The following ST6GALNAC3 variants were observed in gnomAD, a reference collection of about 807,000 sequenced individuals.
ST6GALNAC3 encodes ST6 N-acetylgalactosaminide alpha-2,6-sialyltransferase 3.
A neutral mutation model predicts 32.7 loss-of-function variants in ST6GALNAC3; 25 were observed. The observed-to-expected ratio is 0.76, with a 90% CI of 0.56 to 1.07. The LOEUF is 1.07. ST6GALNAC3 is among the 50% of genes least tolerant of loss of function. The pLI, the probability that ST6GALNAC3 is intolerant of heterozygous loss-of-function variation, is 0.00. For missense variants in ST6GALNAC3, 355 were observed against 382.4 expected (o/e 0.93, Z 0.60); for synonymous variants, 129 against 133.1 (o/e 0.97, Z 0.21).
intron 1 of ST6GALNAC3, among the ~76,000 whole-genome samples, chr1:76,226,822 C>T (rs1656102197): frequency 6.6e-6 from 1 of 152,136 alleles, no homozygotes; most frequent in African/African-American, 2.4e-5. Flanking sequence ...CTACACACAC[C>T]CATTTCCAAT....
At chr1:76,191,284 T>C (rs957903319) in intron 1 of ST6GALNAC3, among the ~76,000 whole-genome samples, 5 of 151,964 alleles carry the variant, frequency 3.3e-5, no homozygotes, top group Non-Finnish European at 4.4e-5. Context: ...GATCTCACTC[T>C]TACGTGGATT....
At chr1:76,519,754 A>G (rs1253303590) in intron 3 of ST6GALNAC3, among the ~76,000 whole-genome samples, 1 of 151,646 alleles carries the variant, frequency 6.6e-6, no homozygotes, top group Non-Finnish European at 1.5e-5. Flanking sequence ...TTCTAGTTTC[A>G]ACTATTCTGC....
chr1:76,608,004 T>C (rs1283564201), intron 3 of ST6GALNAC3, among the ~76,000 whole-genome samples: 2 of 152,214 alleles, frequency 1.3e-5, no homozygotes, highest in African/African-American at 4.8e-5. Context: ...AGCCAATCAG[T>C]CCACACAAAC....
intron 1 of ST6GALNAC3, among the ~76,000 whole-genome samples, chr1:76,101,918 C>T (rs1222961865): frequency 3.3e-5 from 5 of 152,044 alleles, no homozygotes; most frequent in East Asian, 1.9e-4. Context: ...TATTTTTATA[C>T]GTGTTTGCTA....
Position 76,303,112 on chromosome 1 carries a change from T to C in ST6GALNAC3, c.19-10693T>C, listed in dbSNP as rs796252638. ...CAAAGGTCACAGTCCTATGCAAGTT[T>C]TCTGCAACCAATCAGAGGCTAAAGT... On this transcript the variant is annotated intron_variant, in intron 1 of 4. Transcript: ENST00000328299. Among the ~76,000 whole-genome samples the C allele has an allele frequency of 2.3e-4, 23 of 102,194 alleles. 1 individual carries two copies. Among genetic ancestry groups the C allele is most frequent in the African/African-American group, 6.2e-4 (23 of 37,140 alleles). 67.0% of individuals were successfully genotyped at this position (102,194 alleles called of 152,430 possible). A position where few individuals can be genotyped will look rare whatever the true frequency, so the allele number is the denominator to read the frequency against.
At chr1:76,189,757 C>T (rs765765651) in intron 1 of ST6GALNAC3, among the ~76,000 whole-genome samples, 3 of 152,104 alleles carry the variant, frequency 2.0e-5, no homozygotes, top group Non-Finnish European at 4.4e-5. Flanking sequence ...AAAGTATAAG[C>T]GGTGCAAGTG....
At chr1:76,204,506 G>A (rs1654710939) in intron 1 of ST6GALNAC3, among the ~76,000 whole-genome samples, 1 of 152,138 alleles carries the variant, frequency 6.6e-6, no homozygotes, top group South Asian at 2.1e-4. Context: ...GGTGCTCTGG[G>A]AGTACTCTGA....
rs924489314 is a variant in ST6GALNAC3 at position 76,154,371 on chromosome 1, C to T, written c.18+79487C>T. Among the ~76,000 whole-genome samples the T allele has an allele frequency of 4.6e-5, 7 of 152,244 alleles. No individual in the cohort carries two copies. The South Asian group carries it at 1.5e-3, about 32-fold the overall frequency. On this transcript the variant is annotated intron_variant, in intron 1 of 4. Transcript: ENST00000328299. ...CACTCAGGTTGTTTCTTAGTGAAGTCCCCGAAGAGCACTGCATTTAAGCTG... is the reference window on the plus strand; with the variant it reads ...CACTCAGGTTGTTTCTTAGTGAAGTTCCCGAAGAGCACTGCATTTAAGCTG...
In ST6GALNAC3 at chr1:76,484,597, T is replaced by G. The variant is rs1159251648; in HGVS notation, c.623+72180T>G. Among the ~76,000 whole-genome samples, 5 of 152,242 alleles carry G rather than the reference T, an allele frequency of 3.3e-5. No homozygotes were observed. The East Asian group carries it at 5.8e-4, about 18-fold the overall frequency. ...TGTATCCTGAGACTTTGCTGATGTT[T>G]CTTATCAGCTTAAGGAGATTTTGGG... On this transcript the variant is annotated intron_variant, in intron 3 of 4. Transcript: ENST00000328299.
intron 1 of ST6GALNAC3, among the ~76,000 whole-genome samples, chr1:76,187,769 A>C (rs1157194927): frequency 6.6e-6 from 1 of 152,020 alleles, no homozygotes; most frequent in African/African-American, 2.4e-5. Flanking sequence ...AAACACACAC[A>C]ACCTCAGAAA....
chr1:76,580,772 A>C (rs1646881378), intron 3 of ST6GALNAC3, among the ~76,000 whole-genome samples: 4 of 152,156 alleles, frequency 2.6e-5, no homozygotes, highest in Admixed American at 2.6e-4. Flanking sequence ...GCCATGAAAC[A>C]GAACAATCTT....
chr1:76,162,900 C>T (rs1651899312), intron 1 of ST6GALNAC3, among the ~76,000 whole-genome samples: 1 of 151,994 alleles, frequency 6.6e-6, no homozygotes, highest in African/African-American at 2.4e-5. Flanking sequence ...GTGACCAGGC[C>T]CAGAGCTGGG....
At chr1:76,527,743 C>T (rs1173980614) in intron 3 of ST6GALNAC3, among the ~76,000 whole-genome samples, 3 of 152,068 alleles carry the variant, frequency 2.0e-5, no homozygotes, top group Non-Finnish European at 4.4e-5. Flanking sequence ...CCATTAATAA[C>T]CTTGAGAGCC....
chr1:76,142,911 T>C (rs765404525), intron 1 of ST6GALNAC3: 25 of 453,408 alleles, frequency 5.5e-5, no homozygotes, highest in Non-Finnish European at 9.3e-5. Context: ...GGATTAGATC[T>C]GGGCACACCG....
chr1:76,470,700 G>T (rs1414698909), intron 3 of ST6GALNAC3, among the ~76,000 whole-genome samples: 1 of 152,030 alleles, frequency 6.6e-6, no homozygotes, highest in African/African-American at 2.4e-5. Context: ...CTCAAGGCTT[G>T]ATCTCTTTAG....
At position 76,632,266 on chromosome 1, in the gene ST6GALNAC3, T is replaced by A. The variant is rs573364858; in HGVS notation, c.*3460T>A. 1 of 152,180 alleles carries A rather than the reference T, an allele frequency of 6.6e-6. No homozygotes were observed. Among genetic ancestry groups the A allele is most frequent in the Admixed American group, 6.5e-5 (1 of 15,278 alleles). The allele number at this position is 152,180 out of a possible 1,614,324, so 9.4% of individuals were successfully genotyped here. Reference sequence around the variant, plus strand: ...TTGCTAAGAGTACGTAAAATCATATTCAAAAGCTGGCCAGAAGAATAAAGC... The same window carrying A: ...TTGCTAAGAGTACGTAAAATCATATACAAAAGCTGGCCAGAAGAATAAAGC... On this transcript the variant is annotated 3_prime_UTR_variant, in exon 5 of 5. Transcript: ENST00000328299.
chr1:76,602,334 T>A (rs1045836390), intron 3 of ST6GALNAC3, among the ~76,000 whole-genome samples: 8 of 151,942 alleles, frequency 5.3e-5, no homozygotes, highest in African/African-American at 1.9e-4. Context: ...TGTGTGTGCG[T>A]GTGCATGTGC....
chr1:76,562,151 T>A (rs1359423504), intron 3 of ST6GALNAC3, among the ~76,000 whole-genome samples: 1 of 152,148 alleles, frequency 6.6e-6, no homozygotes, highest in East Asian at 1.9e-4. Context: ...CTTGGGCTGA[T>A]GAAAATGTTC....
chr1:76,436,318 A>G (rs1259352229), intron 3 of ST6GALNAC3, among the ~76,000 whole-genome samples: 2 of 152,250 alleles, frequency 1.3e-5, no homozygotes, highest in African/African-American at 4.8e-5. Context: ...CCAAAAGTTC[A>G]TCAGAATATC....
Sources: gnomAD v4.1 joint callset for allele counts (sites outside exome capture counted in the v4.1 genomes callset) on GRCh38, gnomAD v4.1.1 for gene constraint, MANE v1.5 for transcripts, NCBI Gene and HGNC (gene_info 2026-07-23, HGNC 2026-07-21) for gene names.